CARD6: variants seen among roughly 807,000 people sequenced by gnomAD.
CARD6 encodes the protein caspase recruitment domain-containing protein 6.
In CARD6, 27 loss-of-function variants were observed where a neutral mutation model predicts 23.6. The observed-to-expected ratio is 1.14, with a 90% CI of 0.84 to 1.58. The LOEUF (loss-of-function observed/expected upper bound fraction) is 1.58. Ranked by LOEUF, CARD6 falls within the 40% of genes most tolerant of loss-of-function variation. The pLI, the probability that CARD6 is intolerant of heterozygous loss-of-function variation, is 0.00. For synonymous variants in CARD6, 397 were observed against 431.8 expected, an observed-to-expected ratio of 0.92 and a Z score of 1.00; for missense variants, 1,214 against 1,209.9, an observed-to-expected ratio of 1.00 and a Z score of -0.05.
At chr5:40,851,035 TA>T (rs996919965) in intron 2 of CARD6, among the ~76,000 whole-genome samples, 24 of 150,976 alleles carry the variant, frequency 1.6e-4, no homozygotes, top group African/African-American at 5.3e-4. Context: ...ATCATTTATG[TA>T]AAAAAAAATA....
rs1408620971 is a variant in CARD6, at chr5:40,843,258, C to T, written c.390C>T (p.Ile130=). Residue 130 remains isoleucine (I), a synonymous_variant, in exon 2 of 3, where the codon ATC becomes ATT. Coordinates refer to ENST00000254691, the MANE Select transcript of CARD6 (RefSeq NM_032587.4). The stretch of plus-strand genomic sequence containing the variant: ...TAAAACAGCCTGAAGCCCCTGAGAT[C>T]ACAGTGTTCTTCAGTGAGAAGGAAC... ...PGIKQPEAPE[I]TVFFSEKEHL... 1 of 1,613,954 alleles carries T rather than the reference C, an allele frequency of 6.2e-7. No homozygotes were observed. The highest frequency in any genetic ancestry group is 8.5e-7 in the Non-Finnish European group (1 of 1,179,948).
At chr5:40,848,151 A>G (rs1021050344) in intron 2 of CARD6, among the ~76,000 whole-genome samples, 4 of 148,588 alleles carry the variant, frequency 2.7e-5, no homozygotes, top group Non-Finnish European at 6.0e-5. Flanking sequence ...AAAATACTTT[A>G]TATTTTTTTC....
Position 40,844,456 on chromosome 5 carries a change from C to T in CARD6, c.841+747C>T, listed in dbSNP as rs141841330. 1.7e-3 allele frequency among the ~76,000 whole-genome samples: 252 copies of T among 152,246 alleles called. 1 individual carries two copies. The highest frequency in any genetic ancestry group is 5.9e-3 in the African/African-American group (243 of 41,530). On this transcript the variant is annotated intron_variant, in intron 2 of 2. Transcript: ENST00000254691. ...ATGTTGCTCAGGCTGGTCTCGAACTCCTGGGCTCAAGTGATCTGCCCACCT... is the reference window on the plus strand; with the variant it reads ...ATGTTGCTCAGGCTGGTCTCGAACTTCTGGGCTCAAGTGATCTGCCCACCT...
At chr5:40,850,047 A>C (rs777420283) in intron 2 of CARD6, among the ~76,000 whole-genome samples, 4 of 152,100 alleles carry the variant, frequency 2.6e-5, no homozygotes, top group Non-Finnish European at 5.9e-5. Context: ...TATAGCATGT[A>C]AACTCCGAGA....
chr5:40,841,999 TTGTTTTTCAAGTAGA>T (rs1745871259), intron 1 of CARD6, among the ~76,000 whole-genome samples: 2 of 152,332 alleles, frequency 1.3e-5, no homozygotes, highest in Non-Finnish European at 2.9e-5. Context: ...AATCCAGGGT[TTGTTTTTCAAGTAGA>T]TGAATTCGTG....
In CARD6 at chr5:40,852,680, A is replaced by G; in HGVS notation, c.1348A>G (p.Met450Val). 1 of 1,614,168 alleles carries G rather than the reference A, an allele frequency of 6.2e-7. No homozygotes were observed. The highest frequency in any genetic ancestry group is 8.5e-7 in the Non-Finnish European group (1 of 1,180,016). ...TEDTEKFLTL[M>V]KMPVISFVRL... ...GGATACAGAAAAGTTTCTGACTCTC[A>G]TGAAGATGCCTGTCATCTCTTTTGT... The change falls in exon 3 of 3, where the codon ATG becomes GTG. Residue 450 changes from methionine (M) to valine (V), a missense_variant. Physicochemically the swap from Met to Val is conservative, Grantham distance 21. Transcript: ENST00000254691.
rs1312803109 is a variant in CARD6, at chr5:40,852,650, A to G, written c.1318A>G (p.Thr440Ala). 7.4e-6 allele frequency: 12 copies of G among 1,614,110 alleles called. No individual in the cohort carries two copies. The highest frequency in any genetic ancestry group is 1.0e-5 in the Non-Finnish European group (12 of 1,180,054). ...KQSTQFSGGP[T>A]EDTEKFLTLM... The stretch of plus-strand genomic sequence containing the variant: ...GTCAACACAGTTTTCAGGGGGGCCT[A>G]CAGAGGATACAGAAAAGTTTCTGAC... The change falls in exon 3 of 3, where the codon ACA (threonine) becomes GCA (alanine). Residue 440 changes from threonine (T) to alanine (A), a missense_variant. By Grantham distance (58) the Thr-to-Ala change is moderately conservative (BLOSUM62 0). Coordinates refer to ENST00000254691, the MANE Select transcript of CARD6 (RefSeq NM_032587.4).
chr5:40,854,017 C>T lies in CARD6; in HGVS notation c.2685C>T (p.His895=). Residue 895 remains histidine (H), a synonymous_variant, in exon 3 of 3, where the codon CAC becomes CAT. Coordinates refer to ENST00000254691, the MANE Select transcript of CARD6 (RefSeq NM_032587.4). ...GAACATCCCATATTGGAAAGCCTCACCCTCAGTCCTTTCAACCAGCAGCAG... is the reference window on the plus strand; with the variant it reads ...GAACATCCCATATTGGAAAGCCTCATCCTCAGTCCTTTCAACCAGCAGCAG... The part of the protein sequence containing the change: ...LIRTSHIGKP[H]PQSFQPAAAT... 1 of 1,614,114 alleles carries T rather than the reference C, an allele frequency of 6.2e-7. No homozygotes were observed. The highest frequency in any genetic ancestry group is 8.5e-7 in the Non-Finnish European group (1 of 1,180,026).
chr5:40,843,366 G>A lies in CARD6; in HGVS notation c.498G>A (p.Glu166=). The part of the protein sequence containing the change: ...RETALSARKN[E]KEYDTPEVTL... ...CAGCTTTGTCTGCCAGGAAGAATGA[G>A]AAGGAATATGACACACCAGAAGTCA... Residue 166 remains glutamate (E), a synonymous_variant, in exon 2 of 3, where the codon GAG becomes GAA. Coordinates refer to ENST00000254691, the MANE Select transcript of CARD6 (RefSeq NM_032587.4). 1.2e-6 allele frequency: 2 copies of A among 1,614,070 alleles called. No homozygotes were observed. The highest frequency in any genetic ancestry group is 2.2e-5 in the East Asian group (1 of 44,856).
chr5:40,852,482 C>A lies in CARD6; in HGVS notation c.1150C>A (p.Leu384Met). 6.2e-7 allele frequency: 1 copy of A among 1,614,206 alleles called. No individual in the cohort carries two copies. The highest frequency in any genetic ancestry group is 8.5e-7 in the Non-Finnish European group (1 of 1,180,026). ...CCTTGACGTGCTTTGTGCCACCATG[C>A]TGTGTTCAGATAGCTCTTTGCAACG... ...NPLDVLCATM[L>M]CSDSSLQRQV... Residue 384 changes from leucine (L) to methionine (M), a missense_variant, in exon 3 of 3, where the codon CTG becomes ATG. By Grantham distance (15) the Leu-to-Met change is conservative. Transcript: ENST00000254691.
At chr5:40,842,302 C>A (rs977868960) in intron 1 of CARD6, among the ~76,000 whole-genome samples, 1 of 151,644 alleles carries the variant, frequency 6.6e-6, no homozygotes. Context: ...TTCTAGGAAT[C>A]TAAAAAAAAA....
intron 2 of CARD6, among the ~76,000 whole-genome samples, chr5:40,848,833 T>C (rs1306967146): frequency 6.6e-6 from 1 of 152,172 alleles, no homozygotes; most frequent in African/African-American, 2.4e-5. Context: ...ATTTTTAATT[T>C]ATAAAATTGA....
In CARD6 at chr5:40,850,328, C is replaced by T. The variant is rs1196127598; in HGVS notation, c.842-1846C>T. Among the ~76,000 whole-genome samples the T allele has an allele frequency of 1.4e-5, 2 of 144,452 alleles. 1 individual carries two copies. Among genetic ancestry groups the T allele is most frequent in the East Asian group, 4.3e-4 (2 of 4,654 alleles). The allele number at this position is 144,452 out of a possible 152,430, so 94.8% of individuals were successfully genotyped here. A position where few individuals can be genotyped will look rare whatever the true frequency, so the allele number is the denominator to read the frequency against. On this transcript the variant is annotated intron_variant, in intron 2 of 2. Transcript: ENST00000254691. ...ACTTGGGAGGCTGAGGCAGGAGAAT[C>T]GCTTGAACCCAGGAGGTGGAGGTTT...
rs1746142278 is a variant in CARD6 at position 40,854,109 on chromosome 5, A to G, written c.2777A>G (p.Asn926Ser). ...VQMKTQGGAS[N>S]PALQIGSHPM... ...ATGAAGACACAAGGTGGGGCTTCAA[A>G]TCCAGCTCTCCAAATAGGGTCCCAT... is the stretch of plus-strand genomic sequence containing the variant. Residue 926 changes from asparagine to serine, a missense_variant, in exon 3 of 3, where the codon AAT (asparagine) becomes AGT (serine). Physicochemically the swap from Asn to Ser is conservative, Grantham distance 46. Coordinates refer to ENST00000254691, the MANE Select transcript of CARD6 (RefSeq NM_032587.4). 5.6e-6 allele frequency: 9 copies of G among 1,614,078 alleles called. No individual in the cohort carries two copies. Among genetic ancestry groups the G allele is most frequent in the Non-Finnish European group, 7.6e-6 (9 of 1,180,050 alleles).
Position 40,853,400 on chromosome 5 carries a change from C to A in CARD6, c.2068C>A (p.Leu690Ile), listed in dbSNP as rs747598050. ...TGAGGGTCAGCAAAGACACAGTCAG[C>A]TAAAAAGCTCATCTAAAAGCCAGGC... ...EGEGQQRHSQ[L>I]KSSSKSQALM... The change falls in exon 3 of 3, where the codon CTA becomes ATA. Residue 690 changes from leucine (L) to isoleucine (I), a missense_variant. By Grantham distance (5) the Leu-to-Ile change is conservative. Transcript: ENST00000254691. 1.2e-5 allele frequency: 19 copies of A among 1,613,980 alleles called. No homozygotes were observed. In the African/African-American group the frequency reaches 2.1e-4, roughly 18 times the overall value.
At chr5:40,842,485 A>T (rs1364738201) in intron 1 of CARD6, among the ~76,000 whole-genome samples, 1 of 152,184 alleles carries the variant, frequency 6.6e-6, no homozygotes, top group Non-Finnish European at 1.5e-5. Context: ...ATTATTTGTG[A>T]TCAGATTTCA....
chr5:40,841,664 T>C lies in CARD6; in HGVS notation c.282T>C (p.His94=). 1.9e-6 allele frequency: 3 copies of C among 1,611,324 alleles called. No individual in the cohort carries two copies. The highest frequency in any genetic ancestry group is 2.5e-6 in the Non-Finnish European group (3 of 1,178,470). The part of the protein sequence containing the change: ...PQSAAICGLR[H]EVLKHENTVP... The stretch of plus-strand genomic sequence containing the variant: ...CAGCTGCCATTTGCGGCTTAAGGCA[T>C]GGTAAGTTGACTTTGTATACTTTTT... Residue 94 remains histidine (H), a splice_region_variant and synonymous_variant, in exon 1 of 3, where the codon CAT becomes CAC. Transcript: ENST00000254691.
At chr5:40,849,262 G>A (rs1303261505) in intron 2 of CARD6, among the ~76,000 whole-genome samples, 2 of 152,102 alleles carry the variant, frequency 1.3e-5, no homozygotes, top group Non-Finnish European at 2.9e-5. Context: ...CTCCCAAAGT[G>A]CTGGGATTAT....
At position 40,854,735 on chromosome 5, in the gene CARD6, C is replaced by T. The variant is rs908941397; in HGVS notation, c.*289C>T. 1.9e-5 allele frequency: 6 copies of T among 314,432 alleles called. No individual in the cohort carries two copies. The highest frequency in any genetic ancestry group is 3.0e-5 in the Non-Finnish European group (5 of 166,466). The allele number at this position is 314,432 out of a possible 1,614,324, so 19.5% of individuals were successfully genotyped here. A position where few individuals can be genotyped will look rare whatever the true frequency, so the allele number is the denominator to read the frequency against. ...CCTCTCGAGTAGCTGGGATTACAGG[C>T]ATGCACCACCACACCCAGCTAATTT... On this transcript the variant is annotated 3_prime_UTR_variant, in exon 3 of 3. Coordinates refer to ENST00000254691, the MANE Select transcript of CARD6 (RefSeq NM_032587.4).
Sources: gnomAD v4.1 joint callset for allele counts (sites outside exome capture counted in the v4.1 genomes callset) on GRCh38, gnomAD v4.1.1 for gene constraint, MANE v1.5 for transcripts, NCBI Gene and HGNC (gene_info 2026-07-23, HGNC 2026-07-21) for gene names.